JMJD1C: variants seen among roughly 807,000 people sequenced by gnomAD.
The protein encoded by JMJD1C is jumonji domain-containing protein 1C.
Under a neutral mutation model 245.3 loss-of-function variants are expected in JMJD1C, and 31 were observed. That is an observed-to-expected ratio of 0.13 (90% CI 0.09 to 0.17). The LOEUF is 0.17. JMJD1C is among the 10% of genes least tolerant of loss of function. The pLI is 1.00. For missense variants in JMJD1C, 2,691 were observed against 3,000.2 expected, an observed-to-expected ratio of 0.90 and a Z score of 2.41; for synonymous variants, 1,057 against 1,017.4, an observed-to-expected ratio of 1.04 and a Z score of -0.74.
chr10:63,427,357 G>A (rs983750165), intron 1 of JMJD1C: 36 of 1,029,678 alleles, frequency 3.5e-5, no homozygotes, highest in Non-Finnish European at 3.9e-5. Flanking sequence ...AGTGTTCACC[G>A]CCTTCTGGCA....
chr10:63,310,511 GATT>G (rs1176928098), intron 2 of JMJD1C, among the ~76,000 whole-genome samples: 1 of 152,210 alleles, frequency 6.6e-6, no homozygotes, highest in Non-Finnish European at 1.5e-5. Flanking sequence ...GGTGGTGTTA[GATT>G]ACTGTGAAGG....
chr10:63,343,378 A>C (rs1434995786), intron 2 of JMJD1C, among the ~76,000 whole-genome samples: 4 of 131,168 alleles, frequency 3.0e-5, no homozygotes, highest in African/African-American at 1.3e-4. Context: ...AAAAAAAAAC[A>C]AAAAAAAAAA....
At chr10:63,420,126 C>T (rs887139182) in intron 1 of JMJD1C, among the ~76,000 whole-genome samples, 5 of 147,186 alleles carry the variant, frequency 3.4e-5, no homozygotes, top group Admixed American at 2.8e-4. Context: ...ACAGAGGAGA[C>T]GCTGTCTCAA....
chr10:63,189,563 C>T, intron 17 of JMJD1C, 117 bp from the exon 18 acceptor site: 1 of 823,590 alleles, frequency 1.2e-6, no homozygotes, highest in Non-Finnish European at 1.8e-6. Context: ...ATATGCACTT[C>T]TCTTAGATTT....
At chr10:63,250,387 C>T (rs1373905690) in intron 3 of JMJD1C, among the ~76,000 whole-genome samples, 1 of 152,020 alleles carries the variant, frequency 6.6e-6, no homozygotes, top group East Asian at 1.9e-4. Flanking sequence ...GGAAAAGATA[C>T]CTTGGAAGTG....
At chr10:63,317,607 T>C (rs1940253013) in intron 2 of JMJD1C, among the ~76,000 whole-genome samples, 1 of 152,212 alleles carries the variant, frequency 6.6e-6, no homozygotes, top group South Asian at 2.1e-4. Flanking sequence ...ATGTTTATAA[T>C]GTTCTTGCAA....
At chr10:63,179,513 C>T (rs941485213) in intron 22 of JMJD1C, among the ~76,000 whole-genome samples, 4 of 152,122 alleles carry the variant, frequency 2.6e-5, no homozygotes, top group African/African-American at 9.7e-5. Flanking sequence ...TGGCTCACAT[C>T]TGTAACTCCA....
chr10:63,264,526 T>C (rs953747155), intron 3 of JMJD1C, 125 bp downstream of exon 3: 7 of 555,760 alleles, frequency 1.3e-5, no homozygotes, highest in Non-Finnish European at 1.6e-5. Context: ...ACTGCATTCA[T>C]TGGGTTTTTC....
Position 63,214,540 on chromosome 10 carries a change from C to G in JMJD1C, c.1627G>C (p.Asp543His). ...TLQKMDPNVS[D>H]SKHSIANAKF... ...GCATTTGCAATAGAGTGTTTTGAAT[C>G]ACTAACATTAGGATCCATTTTCTGA... Residue 543 changes from aspartate (D) to histidine (H), a missense_variant, in exon 8 of 26, where the codon GAT becomes CAT. Physicochemically the swap from Asp to His is moderately conservative, Grantham distance 81 (BLOSUM62 -1). Coordinates refer to ENST00000399262, the MANE Select transcript of JMJD1C (RefSeq NM_032776.3). 1 of 1,613,882 alleles carries G rather than the reference C, an allele frequency of 6.2e-7. No homozygotes were observed. The highest frequency in any genetic ancestry group is 8.5e-7 in the Non-Finnish European group (1 of 1,179,952).
chr10:63,340,507 G>C (rs541005365), intron 2 of JMJD1C, among the ~76,000 whole-genome samples: 1 of 152,128 alleles, frequency 6.6e-6, no homozygotes, highest in East Asian at 1.9e-4. Context: ...TACGGGTAAC[G>C]GTTATTAAAA....
chr10:63,334,194 T>C (rs567456404), intron 2 of JMJD1C, among the ~76,000 whole-genome samples: 5 of 152,308 alleles, frequency 3.3e-5, no homozygotes, highest in African/African-American at 1.2e-4. Flanking sequence ...TCACAAGTTT[T>C]GATGAATAAA....
chr10:63,472,265 T>C (rs1414779318), intron 1 of JMJD1C, among the ~76,000 whole-genome samples: 1 of 152,050 alleles, frequency 6.6e-6, no homozygotes, highest in African/African-American at 2.4e-5. Flanking sequence ...TTAAAAGCAA[T>C]TGCTTCATTT....
chr10:63,315,278 C>T (rs1485769720), intron 2 of JMJD1C, among the ~76,000 whole-genome samples: 1 of 152,170 alleles, frequency 6.6e-6, no homozygotes, highest in Non-Finnish European at 1.5e-5. Context: ...CTACCTCCCC[C>T]ATCTAGCAGT....
chr10:63,216,182 G>C (rs1395123971), intron 5 of JMJD1C, among the ~76,000 whole-genome samples: 1 of 151,894 alleles, frequency 6.6e-6, no homozygotes. Flanking sequence ...ACTGTTTTAG[G>C]GAAAAAATCA....
At position 63,167,303 on chromosome 10, in the gene JMJD1C, C is replaced by G. The variant is rs1841945289; in HGVS notation, c.*742G>C. 1.3e-5 allele frequency: 2 copies of G among 152,458 alleles called. No homozygotes were observed. The highest frequency in any genetic ancestry group is 1.3e-4 in the Admixed American group (2 of 15,260). 9.4% of individuals were successfully genotyped at this position (152,458 alleles called of 1,614,324 possible). A position where few individuals can be genotyped will look rare whatever the true frequency, so the allele number is the denominator to read the frequency against. On this transcript the variant is annotated 3_prime_UTR_variant, in exon 26 of 26. Transcript: ENST00000399262. Reference sequence around the variant, plus strand: ...TACAAAGCCATATGTAACACTTGCACTTTAACAAAAGCAAGCCAATGTTTT... The same window carrying G: ...TACAAAGCCATATGTAACACTTGCAGTTTAACAAAAGCAAGCCAATGTTTT...
rs374404040 is a variant in JMJD1C, at chr10:63,392,867, A to AACACACACACAAACAC, written c.169-12386_169-12385insGTGTTTGTGTGTGTGT. Among the ~76,000 whole-genome samples, 17 of 112,282 alleles carry AACACACACACAAACAC rather than the reference A, an allele frequency of 1.5e-4. No homozygotes were observed. In the East Asian group the frequency reaches 2.3e-3, roughly 15 times the overall value. The allele number at this position is 112,282 out of a possible 152,430, so 73.7% of individuals were successfully genotyped here. A position where few individuals can be genotyped will look rare whatever the true frequency, so the allele number is the denominator to read the frequency against. ...AAAAAGGTGGGCAAAAAAGTACATAAACACACACACACACACACACACACA... is the reference window on the plus strand; with the variant it reads ...AAAAAGGTGGGCAAAAAAGTACATAAACACACACACAAACACACACACACACACACACACACACACA... On this transcript the variant is annotated intron_variant, in intron 1 of 25. Transcript: ENST00000399262.
intron 3 of JMJD1C, among the ~76,000 whole-genome samples, chr10:63,230,642 G>A (rs1169580823): frequency 2.0e-5 from 3 of 151,798 alleles, no homozygotes; most frequent in African/African-American, 7.3e-5. Flanking sequence ...GGGTGTGGTG[G>A]CACACACTTG....
At chr10:63,176,817 T>G (rs901777021) in intron 23 of JMJD1C, 179 of 170,042 alleles carry the variant, frequency 1.1e-3, no homozygotes, top group Non-Finnish European at 1.7e-3. Context: ...TTTTTTTTTT[T>G]TTTACCAAAA....
chr10:63,193,807 C>CA (rs1845127748), intron 14 of JMJD1C, among the ~76,000 whole-genome samples: 1 of 152,114 alleles, frequency 6.6e-6, no homozygotes, highest in African/African-American at 2.4e-5. Flanking sequence ...GCTGGGACTA[C>CA]AGGCACCTGC....
Sources: allele counts gnomAD v4.1 joint callset (sites outside exome capture counted in the v4.1 genomes callset), GRCh38; gene constraint gnomAD v4.1.1; transcripts MANE v1.5; gene names NCBI Gene and HGNC (gene_info 2026-07-23, HGNC 2026-07-21).